Variants in ARHGEF12 observed in about 807,000 individuals in gnomAD.
ARHGEF12 encodes the protein Rho guanine nucleotide exchange factor 12.
Under a neutral mutation model 211.2 loss-of-function variants are expected in ARHGEF12, and 66 were observed. That is an observed-to-expected ratio of 0.31 (90% CI 0.26 to 0.38). The LOEUF (loss-of-function observed/expected upper bound fraction) is 0.38, where lower values mean the gene tolerates loss of function less well. Among genes scored for constraint, ARHGEF12 ranks in the 10% least tolerant of loss-of-function variants. The pLI, the probability that ARHGEF12 is intolerant of heterozygous loss-of-function variation, is 1.00. For synonymous variants in ARHGEF12, 592 were observed against 638.4 expected, an observed-to-expected ratio of 0.93 and a Z score of 1.09; for missense variants, 1,429 against 1,869.5, an observed-to-expected ratio of 0.76 and a Z score of 4.34.
At chr11:120,353,164 G>C (rs1315682623) in intron 1 of ARHGEF12, among the ~76,000 whole-genome samples, 1 of 152,164 alleles carries the variant, frequency 6.6e-6, no homozygotes, top group Non-Finnish European at 1.5e-5. Flanking sequence ...CAAAAGCTTG[G>C]GGACAGCCTC....
chr11:120,479,074 G>A (rs1309989868), intron 37 of ARHGEF12, among the ~76,000 whole-genome samples: 1 of 152,134 alleles, frequency 6.6e-6, no homozygotes, highest in Non-Finnish European at 1.5e-5. Flanking sequence ...AGCATGTCAA[G>A]ATTAAGATAA....
intron 10 of ARHGEF12, among the ~76,000 whole-genome samples, chr11:120,430,937 G>A (rs1945507443): frequency 1.3e-5 from 2 of 152,082 alleles, no homozygotes; most frequent in Admixed American, 1.3e-4. Context: ...AATGTTGACA[G>A]TTTTATGTTA....
At chr11:120,466,443 C>T (rs1309300781) in intron 28 of ARHGEF12, among the ~76,000 whole-genome samples, 1 of 152,168 alleles carries the variant, frequency 6.6e-6, no homozygotes, top group Non-Finnish European at 1.5e-5. Context: ...TTTAAAGGCT[C>T]CTCTAATGAA....
intron 1 of ARHGEF12, among the ~76,000 whole-genome samples, chr11:120,346,257 A>G (rs1324575965): frequency 2.0e-5 from 3 of 152,232 alleles, no homozygotes; most frequent in East Asian, 1.9e-4. Context: ...AGTGGCTTAC[A>G]ACACTGCTTT....
chr11:120,428,154 A>G lies in ARHGEF12; in HGVS notation c.492A>G (p.Ser164=). Residue 164 remains serine, a synonymous_variant, in exon 8 of 41, where the codon TCA becomes TCG. Coordinates refer to ENST00000397843, the MANE Select transcript of ARHGEF12 (RefSeq NM_015313.3). ...TTGCCGACTCTGAAGTAGAGCCGTCAGTCATTGGACATATGTCTCCCATCA... is the reference window on the plus strand; with the variant it reads ...TTGCCGACTCTGAAGTAGAGCCGTCGGTCATTGGACATATGTCTCCCATCA... ...IPLADSEVEP[S]VIGHMSPIMT... The G allele has an allele frequency of 6.2e-7, 1 of 1,611,722 alleles. No homozygotes were observed. The highest frequency in any genetic ancestry group is 8.5e-7 in the Non-Finnish European group (1 of 1,179,082).
chr11:120,394,348 C>G (rs1032141843), intron 1 of ARHGEF12, among the ~76,000 whole-genome samples: 1 of 151,648 alleles, frequency 6.6e-6, no homozygotes, highest in Non-Finnish European at 1.5e-5. Context: ...GTAGCTGGGA[C>G]TACAGGTGTG....
At chr11:120,390,423 A>G (rs1944176745) in intron 1 of ARHGEF12, among the ~76,000 whole-genome samples, 1 of 152,184 alleles carries the variant, frequency 6.6e-6, no homozygotes, top group Admixed American at 6.5e-5. Flanking sequence ...TATTGAAGGA[A>G]TGAGTGGTTT....
rs1278063566 is a variant in ARHGEF12 at position 120,410,351 on chromosome 11, G to A, written c.199+901G>A. The A allele has an allele frequency of 2.0e-5, 3 of 150,758 alleles. No individual in the cohort carries two copies. In the East Asian group the frequency reaches 5.8e-4, roughly 29 times the overall value. The allele number at this position is 150,758 out of a possible 1,614,324, so 9.3% of individuals were successfully genotyped here. A position where few individuals can be genotyped will look rare whatever the true frequency, so the allele number is the denominator to read the frequency against. On this transcript the variant is annotated intron_variant, in intron 4 of 40. Coordinates refer to ENST00000397843, the MANE Select transcript of ARHGEF12 (RefSeq NM_015313.3). ...AAAGTGAATAAGAGAGGAATTACCT[G>A]GAGCTAAGATTTTAAAAATAATTTC...
At chr11:120,392,319 A>G (rs1944244236) in intron 1 of ARHGEF12, among the ~76,000 whole-genome samples, 1 of 152,194 alleles carries the variant, frequency 6.6e-6, no homozygotes, top group Non-Finnish European at 1.5e-5. Context: ...AACTAAATTA[A>G]TGTATTTAGT....
rs755503806 is a variant in ARHGEF12, at chr11:120,481,611, G to T, written c.4554+35G>T. 5.7e-6 allele frequency: 9 copies of T among 1,590,782 alleles called. No individual in the cohort carries two copies. In the East Asian group the frequency reaches 1.6e-4, roughly 28 times the overall value. ...ACTTCCACATCCATAGGACTTGGTT[G>T]TAAGAAACATTTAGCAGAGGGGAAG... On this transcript the variant is annotated intron_variant, in intron 39 of 40. Transcript: ENST00000397843.
At chr11:120,430,106 A>G (rs1405849418) in intron 10 of ARHGEF12, among the ~76,000 whole-genome samples, 9 of 151,910 alleles carry the variant, frequency 5.9e-5, no homozygotes, top group Admixed American at 5.9e-4. Context: ...ACTAAAATGT[A>G]TTTAGATATA....
chr11:120,338,585 G>A (rs1007537566), intron 1 of ARHGEF12, among the ~76,000 whole-genome samples: 1 of 152,154 alleles, frequency 6.6e-6, no homozygotes, highest in Non-Finnish European at 1.5e-5. Context: ...CTTAAGATAA[G>A]TATTGACAAT....
chr11:120,363,425 C>T (rs1943333791), intron 1 of ARHGEF12, among the ~76,000 whole-genome samples: 1 of 152,134 alleles, frequency 6.6e-6, no homozygotes, highest in Non-Finnish European at 1.5e-5. Context: ...ATTTGTATTT[C>T]ATTTTTAATA....
At chr11:120,346,166 T>A (rs1470694681) in intron 1 of ARHGEF12, among the ~76,000 whole-genome samples, 1 of 152,282 alleles carries the variant, frequency 6.6e-6, no homozygotes, top group Non-Finnish European at 1.5e-5. Context: ...CCTATAATTT[T>A]ATTTTTTGCA....
intron 1 of ARHGEF12, among the ~76,000 whole-genome samples, chr11:120,374,721 AAAAT>A (rs1186293908): frequency 6.6e-6 from 1 of 152,240 alleles, no homozygotes; most frequent in African/African-American, 2.4e-5. Flanking sequence ...ACATAGAAAA[AAAAT>A]AAATATTTTT....
In ARHGEF12 at chr11:120,447,098, A is replaced by C. The variant is rs1478239397; in HGVS notation, c.1589+13A>C. ...TTGAAGAAGTATTGTAAGTAATAGA[A>C]GTATATGTGGAAATGCCCTCTCTGC... On this transcript the variant is annotated intron_variant, in intron 18 of 40. Coordinates refer to ENST00000397843, the MANE Select transcript of ARHGEF12 (RefSeq NM_015313.3). 2 of 1,613,318 alleles carry C rather than the reference A, an allele frequency of 1.2e-6. No individual in the cohort carries two copies. The highest frequency in any genetic ancestry group is 2.7e-5 in the African/African-American group (2 of 74,942).
At chr11:120,467,517 C>T (rs1163201161) in intron 29 of ARHGEF12, among the ~76,000 whole-genome samples, 1 of 144,550 alleles carries the variant, frequency 6.9e-6, no homozygotes, top group East Asian at 2.0e-4. Flanking sequence ...ATCATAGTTT[C>T]CTGCAACCTC....
chr11:120,472,694 G>A (rs750899244), intron 30 of ARHGEF12, among the ~76,000 whole-genome samples: 52 of 151,506 alleles, frequency 3.4e-4, no homozygotes, highest in African/African-American at 1.2e-3. Flanking sequence ...TTGCTGTGTC[G>A]CCCAGGCTGG....
At position 120,347,270 on chromosome 11, in the gene ARHGEF12, C is replaced by CTGTGTGTG. The variant is rs55651421; in HGVS notation, c.32+10025_32+10032dup. ...TTTCTCTCTCTCTCTCTCTCTCTGT[C>CTGTGTGTG]TGTGTGTGTGTGTGTGTGTGTGTGT... On this transcript the variant is annotated intron_variant, in intron 1 of 40. Coordinates refer to ENST00000397843, the MANE Select transcript of ARHGEF12 (RefSeq NM_015313.3). Among the ~76,000 whole-genome samples the CTGTGTGTG allele has an allele frequency of 7.6e-3, 610 of 79,868 alleles. 7 individuals carry two copies. The highest frequency in any genetic ancestry group is 0.025 in the African/African-American group (538 of 21,794). 52.4% of individuals were successfully genotyped at this position (79,868 alleles called of 152,430 possible).
Sources: allele counts gnomAD v4.1 joint callset (sites outside exome capture counted in the v4.1 genomes callset), GRCh38; gene constraint gnomAD v4.1.1; transcripts MANE v1.5; gene names NCBI Gene and HGNC (gene_info 2026-07-23, HGNC 2026-07-21).